CFTR: variants seen among roughly 807,000 people sequenced by gnomAD.
CFTR encodes cystic fibrosis transmembrane conductance regulator.
In CFTR, 181 loss-of-function variants were observed where a neutral mutation model predicts 171.6. The ratio of observed to expected loss-of-function variants is 1.05; its 90% CI spans 0.93 to 1.19. The LOEUF is 1.19. Ranked by LOEUF, CFTR falls within the 50% of genes most tolerant of loss-of-function variation. The pLI is 0.00. For missense variants in CFTR, 1,968 were observed against 1,734.7 expected, an observed-to-expected ratio of 1.13 and a Z score of -2.39; for synonymous variants, 583 against 608.0, an observed-to-expected ratio of 0.96 and a Z score of 0.60.
intron 22 of CFTR, among the ~76,000 whole-genome samples, chr7:117,628,757 A>G (rs1792693334): frequency 6.6e-6 from 1 of 152,144 alleles, no homozygotes; most frequent in East Asian, 1.9e-4. Flanking sequence ...CTGTGAAAAC[A>G]TATATATAGG....
intron 11 of CFTR, among the ~76,000 whole-genome samples, chr7:117,577,256 G>A (rs527349166): frequency 6.6e-6 from 1 of 152,242 alleles, no homozygotes; most frequent in East Asian, 1.9e-4. Flanking sequence ...GCTGGGAGGT[G>A]AGGCTGAAGA....
In CFTR at chr7:117,603,721, C is replaced by G; in HGVS notation, c.2847C>G (p.His949Gln). The change falls in exon 17 of 27, where the codon CAC becomes CAG. Residue 949 changes from histidine to glutamine, a missense_variant. Coordinates refer to ENST00000003084, the MANE Select transcript of CFTR (RefSeq NM_000492.4). ...TAATCACAGTGTCGAAAATTTTACACCACAAAATGTTACATTCTGTTCTTC... is the reference window on the plus strand; with the variant it reads ...TAATCACAGTGTCGAAAATTTTACAGCACAAAATGTTACATTCTGTTCTTC... ...HTLITVSKIL[H>Q]HKMLHSVLQA... 1 of 1,613,966 alleles carries G rather than the reference C, an allele frequency of 6.2e-7. No individual in the cohort carries two copies. Among genetic ancestry groups the G allele is most frequent in the Non-Finnish European group, 8.5e-7 (1 of 1,179,894 alleles).
chr7:117,492,164 A>G (rs762065414), intron 1 of CFTR, among the ~76,000 whole-genome samples: 1 of 152,038 alleles, frequency 6.6e-6, no homozygotes, highest in African/African-American at 2.4e-5. Context: ...ATATTTTGAT[A>G]ATGGAGAAGG....
At chr7:117,578,827 A>T (rs1791810777) in intron 11 of CFTR, among the ~76,000 whole-genome samples, 1 of 152,138 alleles carries the variant, frequency 6.6e-6, no homozygotes, top group South Asian at 2.1e-4. Context: ...CAAATATTTA[A>T]GTTCCACTAA....
intron 3 of CFTR, among the ~76,000 whole-genome samples, chr7:117,510,742 A>T (rs1185208113): frequency 2.6e-5 from 4 of 152,222 alleles, no homozygotes; most frequent in Non-Finnish European, 4.4e-5. Context: ...GGACATATCT[A>T]TAGAATTTTT....
rs539691108 is a variant in CFTR at position 117,665,311 on chromosome 7, G to A, written c.4137-148G>A. The A allele has an allele frequency of 6.5e-6, 4 of 613,172 alleles. No homozygotes were observed. The Admixed American group carries it at 1.2e-4, about 19-fold the overall frequency. 38.0% of individuals were successfully genotyped at this position (613,172 alleles called of 1,614,324 possible). ...CTACCCCATGGTTGAAAAGCTGATT[G>A]TGGCTAACGCTATATCAACATTATG... On this transcript the variant is annotated intron_variant, in intron 25 of 26. Coordinates refer to ENST00000003084, the MANE Select transcript of CFTR (RefSeq NM_000492.4).
intron 4 of CFTR, among the ~76,000 whole-genome samples, chr7:117,532,524 T>C (rs1288286295): frequency 6.6e-6 from 1 of 152,134 alleles, no homozygotes; most frequent in African/African-American, 2.4e-5. Flanking sequence ...TGGAGGGTTG[T>C]CCAACCACTA....
At chr7:117,538,458 T>C (rs1798993558) in intron 7 of CFTR, among the ~76,000 whole-genome samples, 1 of 152,214 alleles carries the variant, frequency 6.6e-6, no homozygotes, top group Non-Finnish European at 1.5e-5. Flanking sequence ...TATTTTTTTT[T>C]CTTATAGTAC....
chr7:117,500,340 G>A (rs1369020228), intron 1 of CFTR, among the ~76,000 whole-genome samples: 1 of 139,122 alleles, frequency 7.2e-6, no homozygotes, highest in African/African-American at 2.7e-5. Context: ...AGGCTGGAGT[G>A]CAATGGCACA....
chr7:117,541,643 G>C (rs998318337), intron 8 of CFTR, among the ~76,000 whole-genome samples: 2 of 101,196 alleles, frequency 2.0e-5, no homozygotes, highest in African/African-American at 1.7e-4. Context: ...TTAAGATGAA[G>C]ACATTCATTT....
chr7:117,485,705 G>A lies in CFTR; in HGVS notation c.53+5558G>A, dbSNP rs577502396. Reference sequence around the variant, plus strand: ...GAGCTCTGAAAAATCTTTTTTCAGAGTTTTTCACAGCTGTATTCAAGTTGC... The same window carrying A: ...GAGCTCTGAAAAATCTTTTTTCAGAATTTTTCACAGCTGTATTCAAGTTGC... On this transcript the variant is annotated intron_variant, in intron 1 of 26. Transcript: ENST00000003084. Among the ~76,000 whole-genome samples the A allele has an allele frequency of 7.2e-5, 11 of 152,206 alleles. No individual in the cohort carries two copies. The South Asian group carries it at 2.3e-3, about 32-fold the overall frequency.
chr7:117,481,971 T>A (rs367823913), intron 1 of CFTR, among the ~76,000 whole-genome samples: 2 of 152,330 alleles, frequency 1.3e-5, no homozygotes, highest in East Asian at 3.9e-4. Flanking sequence ...GTCATAGGGG[T>A]TAATCCCTTG....
At chr7:117,652,067 C>T (rs1179972784) in intron 23 of CFTR, among the ~76,000 whole-genome samples, 2 of 152,170 alleles carry the variant, frequency 1.3e-5, no homozygotes, top group Non-Finnish European at 2.9e-5. Context: ...ATTGCACCGG[C>T]ATTCCCCAAT....
chr7:117,507,833 C>A (rs550333879), intron 2 of CFTR, among the ~76,000 whole-genome samples: 2 of 152,116 alleles, frequency 1.3e-5, no homozygotes, highest in Non-Finnish European at 2.9e-5. Context: ...GCTGTGTCAC[C>A]CAGGCTGGAG....
At chr7:117,509,353 C>T (rs35855809) in intron 3 of CFTR, among the ~76,000 whole-genome samples, 14 of 152,226 alleles carry the variant, frequency 9.2e-5, no homozygotes, top group African/African-American at 3.1e-4. Flanking sequence ...AATTTACAAT[C>T]TCAATGGGCT....
rs138279853 is a variant in CFTR at position 117,596,792 on chromosome 7, A to G, written c.2619+1734A>G. On this transcript the variant is annotated intron_variant, in intron 15 of 26. Coordinates refer to ENST00000003084, the MANE Select transcript of CFTR (RefSeq NM_000492.4). Reference sequence around the variant, plus strand: ...CTAGCTAAGGGATTGTAAATATACCAATGTGCACTCTGTATCTAGCTCAAG... The same window carrying G: ...CTAGCTAAGGGATTGTAAATATACCGATGTGCACTCTGTATCTAGCTCAAG... Among the ~76,000 whole-genome samples the G allele has an allele frequency of 1.3e-3, 195 of 152,314 alleles. 1 individual carries two copies. Among genetic ancestry groups the G allele is most frequent in the African/African-American group, 4.5e-3 (189 of 41,554 alleles).
intron 1 of CFTR, among the ~76,000 whole-genome samples, chr7:117,480,363 A>G (rs1399446996): frequency 6.6e-6 from 1 of 152,244 alleles, no homozygotes; most frequent in Non-Finnish European, 1.5e-5. Context: ...AGAGAGCCAC[A>G]TCTACTTGCA....
chr7:117,618,339 A>G (rs1398885475), intron 21 of CFTR, among the ~76,000 whole-genome samples: 4 of 152,048 alleles, frequency 2.6e-5, no homozygotes, highest in Non-Finnish European at 5.9e-5. Context: ...AAATACAAAA[A>G]TTACCTGGCC....
chr7:117,489,451 C>G (rs1798122741), intron 1 of CFTR, among the ~76,000 whole-genome samples: 1 of 152,010 alleles, frequency 6.6e-6, no homozygotes, highest in Admixed American at 6.6e-5. Flanking sequence ...CCAATATCAC[C>G]TTAAAGCAAG....
Sources: gnomAD v4.1 joint callset for allele counts (sites outside exome capture counted in the v4.1 genomes callset) on GRCh38, gnomAD v4.1.1 for gene constraint, MANE v1.5 for transcripts, NCBI Gene and HGNC (gene_info 2026-07-23, HGNC 2026-07-21) for gene names.